USP44: variants seen among roughly 807,000 people sequenced by gnomAD.
The protein encoded by USP44 is ubiquitin specific peptidase 44, also known as ubiquitin carboxyl-terminal hydrolase 44.
In USP44, 61 loss-of-function variants were observed where a neutral mutation model predicts 69.0. The observed-to-expected ratio is 0.88, with a 90% confidence interval of 0.72 to 1.09. The LOEUF is 1.09. Among genes scored for constraint, USP44 ranks in the 50% least tolerant of loss-of-function variants. The probability of loss-of-function intolerance (pLI) is 0.00; values close to 1 mark genes in which losing one functional copy is unlikely to be tolerated. For synonymous variants in USP44, 297 were observed against 295.4 expected (o/e 1.01, Z -0.06); for missense variants, 753 against 849.9 (o/e 0.89, Z 1.42).
chr12:95,520,565 C>A (rs1172351608), intron 5 of USP44, among the ~76,000 whole-genome samples: 3 of 152,042 alleles, frequency 2.0e-5, no homozygotes, highest in Admixed American at 2.0e-4. Context: ...ACTAGACTAT[C>A]CTAGAAGGCA....
At chr12:95,525,781 G>C (rs561175079) in intron 3 of USP44, among the ~76,000 whole-genome samples, 2 of 152,324 alleles carry the variant, frequency 1.3e-5, no homozygotes, top group South Asian at 4.1e-4. Context: ...TCCTGGAGCT[G>C]GGCCATCAGC....
In USP44 at chr12:95,520,987, T is replaced by G; in HGVS notation, c.1939+10A>C. 1 of 1,613,732 alleles carries G rather than the reference T, an allele frequency of 6.2e-7. No individual in the cohort carries two copies. Among genetic ancestry groups the G allele is most frequent in the Non-Finnish European group, 8.5e-7 (1 of 1,179,656 alleles). Reference sequence around the variant, plus strand: ...CCAACCCAAGATAAAATACTTTTTCTTATCTATACCTCCTTCAGAATTATA... The same window carrying G: ...CCAACCCAAGATAAAATACTTTTTCGTATCTATACCTCCTTCAGAATTATA... On this transcript the variant is annotated intron_variant, in intron 5 of 5. Transcript: ENST00000258499.
intron 1 of USP44, among the ~76,000 whole-genome samples, chr12:95,535,989 C>A (rs1405415247): frequency 1.3e-5 from 2 of 151,462 alleles, no homozygotes; most frequent in Non-Finnish European, 2.9e-5. Context: ...CAGGTACTGA[C>A]CAGTCCCAAA....
intron 2 of USP44, among the ~76,000 whole-genome samples, chr12:95,530,664 T>TAGAC (rs886567495): frequency 6.7e-6 from 1 of 148,846 alleles, no homozygotes; most frequent in African/African-American, 2.6e-5. Context: ...GATAGATAGA[T>TAGAC]AGATAGATAG....
chr12:95,546,854 ACT>A, intron 1 of USP44: 1 of 152,266 alleles, frequency 6.6e-6, no homozygotes, highest in Non-Finnish European at 1.5e-5. Context: ...TAAAACACAG[ACT>A]CTGCCCTCAA....
intron 4 of USP44, among the ~76,000 whole-genome samples, chr12:95,523,367 T>C (rs558885410): frequency 6.6e-6 from 1 of 152,278 alleles, no homozygotes; most frequent in Non-Finnish European, 1.5e-5. Flanking sequence ...TCTCCATCTG[T>C]GGGATCTGAT....
intron 2 of USP44, among the ~76,000 whole-genome samples, chr12:95,532,477 A>G (rs2077052464): frequency 6.6e-6 from 1 of 151,550 alleles, no homozygotes. Context: ...CATGTGCACC[A>G]TTTTCATCCC....
chr12:95,531,160 T>C (rs2077009025), intron 2 of USP44, among the ~76,000 whole-genome samples: 1 of 149,886 alleles, frequency 6.7e-6, no homozygotes, highest in Non-Finnish European at 1.5e-5. Context: ...TGAGACTCTG[T>C]CTCAAAAAAA....
chr12:95,531,984 T>C (rs1186781633), intron 2 of USP44, among the ~76,000 whole-genome samples: 1 of 152,134 alleles, frequency 6.6e-6, no homozygotes, highest in Non-Finnish European at 1.5e-5. Context: ...GAGTAGTAAT[T>C]AAAATAAAGG....
intron 2 of USP44, among the ~76,000 whole-genome samples, chr12:95,531,879 T>C (rs1027778132): frequency 2.0e-5 from 3 of 152,226 alleles, no homozygotes; most frequent in African/African-American, 7.2e-5. Flanking sequence ...CTTATGTCTA[T>C]TAACAGTTCA....
At position 95,518,315 on chromosome 12, in the gene USP44, A is replaced by G; in HGVS notation, c.1978T>C (p.Cys660Arg). Residue 660 changes from cysteine (C) to arginine (R), a missense_variant, in exon 6 of 6, where the codon TGC becomes CGC. Coordinates refer to ENST00000258499, the MANE Select transcript of USP44 (RefSeq NM_032147.5). ...GCCTTGCATACTTCATCCATAGTGC[A>G]CATGCTTAGTTTGGAATCATTGCAG... ...VHCNDSKLSM[C>R]TMDEVCKAQA... is the part of the protein sequence containing the mutation. The G allele has an allele frequency of 1.2e-6, 2 of 1,614,216 alleles. No homozygotes were observed. The highest frequency in any genetic ancestry group is 1.7e-6 in the Non-Finnish European group (2 of 1,180,036).
intron 4 of USP44, 32 bp from the exon 5 acceptor site, chr12:95,521,234 C>T (rs779005478): frequency 1.9e-6 from 3 of 1,610,072 alleles, no homozygotes; most frequent in Non-Finnish European, 2.6e-6. Context: ...ATTATCCACA[C>T]AATTAAGGGA....
At chr12:95,531,045 T>G (rs1164343288) in intron 2 of USP44, among the ~76,000 whole-genome samples, 1 of 152,074 alleles carries the variant, frequency 6.6e-6, no homozygotes, top group East Asian at 1.9e-4. Context: ...GCGCCTGTAG[T>G]CCCAGCTACT....
rs547854517 is a variant in USP44, at chr12:95,548,870, C to G, written c.-71+2402G>C. On this transcript the variant is annotated intron_variant, in intron 1 of 5. Coordinates refer to ENST00000258499, the MANE Select transcript of USP44 (RefSeq NM_032147.5). This position sits in a 1 kb window ranked among gnomAD's most constrained non-coding sequence, Gnocchi z 4.1. Reference sequence around the variant, plus strand: ...GGTGCGGCGGCTACGACAGCCGTGACGCGCAGCAGGCCCCGCCCCCTCCCA... The same window carrying G: ...GGTGCGGCGGCTACGACAGCCGTGAGGCGCAGCAGGCCCCGCCCCCTCCCA... 265 of 152,140 alleles carry G rather than the reference C, an allele frequency of 1.7e-3. No homozygotes were observed. Among genetic ancestry groups the G allele is most frequent in the African/African-American group, 6.0e-3 (251 of 41,530 alleles). 9.4% of individuals were successfully genotyped at this position (152,140 alleles called of 1,614,324 possible).
At position 95,521,065 on chromosome 12, in the gene USP44, A is replaced by G. The variant is rs1240263842; in HGVS notation, c.1871T>C (p.Val624Ala). The part of the protein sequence containing the change: ...PECFIYDLSA[V>A]VMHHGKGFGS... ...AAATCCTTTCCCATGGTGCATCACCACCGCGGACAAGTCATAGATAAAGCA... is the reference window on the plus strand; with the variant it reads ...AAATCCTTTCCCATGGTGCATCACCGCCGCGGACAAGTCATAGATAAAGCA... Residue 624 changes from valine (V) to alanine (A), a missense_variant, in exon 5 of 6, where the codon GTG becomes GCG. By Grantham distance (64) the Val-to-Ala change is moderately conservative. Transcript: ENST00000258499. 6.2e-6 allele frequency: 10 copies of G among 1,614,140 alleles called. No individual in the cohort carries two copies. The highest frequency in any genetic ancestry group is 6.8e-6 in the Non-Finnish European group (8 of 1,179,990).
chr12:95,547,602 C>T (rs1345322365), intron 1 of USP44, among the ~76,000 whole-genome samples: 1 of 152,206 alleles, frequency 6.6e-6, no homozygotes, highest in African/African-American at 2.4e-5. Flanking sequence ...TCCTTGTTTA[C>T]ACCAAATGCT....
intron 4 of USP44, 133 bp from the exon 5 acceptor site, chr12:95,521,335 A>G: frequency 1.2e-6 from 1 of 825,432 alleles, no homozygotes; most frequent in South Asian, 1.7e-5. Flanking sequence ...AAATGATGTC[A>G]ATGCTGAAGC....
At position 95,549,256 on chromosome 12, in the gene USP44, G is replaced by A. The variant is rs1041412712; in HGVS notation, c.-71+2016C>T. ...TGGCATAGAAATTCTTAAAGAAAACGTTTCCTTCTTGAAGCGACCCCTGGG... is the reference window on the plus strand; with the variant it reads ...TGGCATAGAAATTCTTAAAGAAAACATTTCCTTCTTGAAGCGACCCCTGGG... On this transcript the variant is annotated intron_variant, in intron 1 of 5. Coordinates refer to ENST00000258499, the MANE Select transcript of USP44 (RefSeq NM_032147.5). Among the ~76,000 whole-genome samples, 4 of 152,318 alleles carry A rather than the reference G, an allele frequency of 2.6e-5. No homozygotes were observed. In the East Asian group the frequency reaches 7.7e-4, roughly 29 times the overall value.
chr12:95,520,944 G>A, intron 5 of USP44, 53 bp downstream of exon 5: 2 of 1,548,912 alleles, frequency 1.3e-6, no homozygotes, highest in East Asian at 4.5e-5. Flanking sequence ...GTTAAAGCCT[G>A]AACTCCAGCC....
Sources: allele counts gnomAD v4.1 joint callset (sites outside exome capture counted in the v4.1 genomes callset), GRCh38; gene constraint gnomAD v4.1.1; non-coding constraint Gnocchi (gnomAD v3.1); transcripts MANE v1.5; gene names NCBI Gene and HGNC (gene_info 2026-07-23, HGNC 2026-07-21).